The following R3HDM1 variants were observed in gnomAD, a reference collection of about 807,000 sequenced individuals.
R3HDM1 encodes R3H domain containing 1.
A neutral mutation model predicts 141.1 loss-of-function variants in R3HDM1; 46 were observed. That is an observed-to-expected ratio of 0.33 (90% CI 0.26 to 0.42). The LOEUF is 0.42. R3HDM1 is among the 10% of genes least tolerant of loss of function. The pLI, the probability that R3HDM1 is intolerant of heterozygous loss-of-function variation, is 1.00. For missense variants in R3HDM1, 1,184 were observed against 1,368.3 expected, an observed-to-expected ratio of 0.87 and a Z score of 2.12; for synonymous variants, 435 against 472.9, an observed-to-expected ratio of 0.92 and a Z score of 1.04.
chr2:135,632,166 C>G (rs1338105904), intron 9 of R3HDM1, among the ~76,000 whole-genome samples, 165 bp downstream of exon 9: 1 of 151,868 alleles, frequency 6.6e-6, no homozygotes, highest in Non-Finnish European at 1.5e-5. Flanking sequence ...TTACTGGGAA[C>G]AAAATGCAAC....
chr2:135,722,317 C>A (rs537814330), intron 25 of R3HDM1, 152 bp from the exon 26 acceptor site: 16 of 766,538 alleles, frequency 2.1e-5, no homozygotes, highest in Non-Finnish European at 2.3e-5. Flanking sequence ...AATGCCACTG[C>A]CACAGGCAGA....
At chr2:135,654,413 T>G (rs951184027) in intron 18 of R3HDM1, among the ~76,000 whole-genome samples, 5 of 149,854 alleles carry the variant, frequency 3.3e-5, no homozygotes, top group African/African-American at 1.2e-4. Context: ...TAATTGAAAT[T>G]TGGAATGTTT....
At chr2:135,669,089 CTGGAGTGCAG>C (rs2105327554) in intron 19 of R3HDM1, 3 of 954,456 alleles carry the variant, frequency 3.1e-6, no homozygotes, top group South Asian at 9.7e-5. Context: ...TTTGCCTAGA[CTGGAGTGCAG>C]TGGCCCTTCC....
intron 19 of R3HDM1, among the ~76,000 whole-genome samples, chr2:135,672,400 A>G (rs1423444098): frequency 6.6e-6 from 1 of 152,172 alleles, no homozygotes; most frequent in Non-Finnish European, 1.5e-5. Flanking sequence ...AAAACATATT[A>G]ACTGTCTTAC....
chr2:135,566,116 T>C (rs1702736648), intron 1 of R3HDM1, among the ~76,000 whole-genome samples: 1 of 152,234 alleles, frequency 6.6e-6, no homozygotes, highest in Non-Finnish European at 1.5e-5. Context: ...ACTTCAGATA[T>C]ACATATAGTA....
Position 135,628,731 on chromosome 2 carries a change from A to G in R3HDM1, c.498-2987A>G, listed in dbSNP as rs181893225. Among the ~76,000 whole-genome samples, 315 of 152,158 alleles carry G rather than the reference A, an allele frequency of 2.1e-3. 1 individual carries two copies. The highest frequency in any genetic ancestry group is 7.0e-3 in the African/African-American group (292 of 41,536). ...AACCTCCGCCTCCCGGGTTCAAGCA[A>G]TTCTCCTACCTCAGCCTCCAAGTAG... is the stretch of plus-strand genomic sequence containing the variant. On this transcript the variant is annotated intron_variant, in intron 7 of 26. Transcript: ENST00000683871.
chr2:135,591,059 A>G (rs915280124), intron 1 of R3HDM1, among the ~76,000 whole-genome samples: 3 of 152,174 alleles, frequency 2.0e-5, no homozygotes, highest in Admixed American at 6.5e-5. Flanking sequence ...TTAAAATCCT[A>G]TAAAGGAAAC....
chr2:135,595,668 A>G (rs1270350289), intron 1 of R3HDM1, among the ~76,000 whole-genome samples: 2 of 152,180 alleles, frequency 1.3e-5, no homozygotes, highest in African/African-American at 2.4e-5. Flanking sequence ...ATTATCTTGT[A>G]TATTTTGTCT....
At chr2:135,688,299 G>C (rs313528) in intron 21 of R3HDM1, among the ~76,000 whole-genome samples, 1 of 151,980 alleles carries the variant, frequency 6.6e-6, no homozygotes, top group Non-Finnish European at 1.5e-5. Context: ...CAGTGTTAAC[G>C]AATCAACAAT....
chr2:135,596,765 GT>G (rs2059231347), intron 1 of R3HDM1, among the ~76,000 whole-genome samples: 1 of 152,078 alleles, frequency 6.6e-6, no homozygotes, highest in Non-Finnish European at 1.5e-5. Flanking sequence ...ATATGCCACA[GT>G]TGTTTTTACT....
chr2:135,555,841 C>T (rs958017150), intron 1 of R3HDM1, among the ~76,000 whole-genome samples: 4 of 152,072 alleles, frequency 2.6e-5, no homozygotes, highest in African/African-American at 9.7e-5. Context: ...GCTGGGGCAA[C>T]ATAATTTCTA....
intron 1 of R3HDM1, chr2:135,568,883 A>G (rs577300219): frequency 1.2e-4 from 19 of 152,268 alleles, no homozygotes; most frequent in African/African-American, 4.3e-4. Flanking sequence ...AAAGTCAAAT[A>G]ATGTGTAAGA....
Position 135,709,550 on chromosome 2 carries a change from A to T in R3HDM1, c.2563+14A>T. 10 of 1,611,616 alleles carry T rather than the reference A, an allele frequency of 6.2e-6. No individual in the cohort carries two copies. Among genetic ancestry groups the T allele is most frequent in the Non-Finnish European group, 8.5e-6 (10 of 1,178,710 alleles). On this transcript the variant is annotated intron_variant, in intron 22 of 26. Coordinates refer to ENST00000683871, the MANE Select transcript of R3HDM1 (RefSeq NM_001378107.1). ...ACCAATGTACAGGTATAAAGAAATC[A>T]GTGAAAATAAGATGATTGGTTCATA...
intron 11 of R3HDM1, among the ~76,000 whole-genome samples, chr2:135,636,729 C>T (rs1161595808): frequency 6.6e-6 from 1 of 150,454 alleles, no homozygotes; most frequent in Non-Finnish European, 1.5e-5. Flanking sequence ...TTGTCAACAT[C>T]TACTAAGCAT....
chr2:135,713,870 A>G (rs1396148852), intron 23 of R3HDM1, among the ~76,000 whole-genome samples: 1 of 152,214 alleles, frequency 6.6e-6, no homozygotes. Flanking sequence ...GCATAAAACA[A>G]TGATAGAAAT....
In R3HDM1 at chr2:135,660,238, A is replaced by C. The variant is rs936615322; in HGVS notation, c.2029-1032A>C. Among the ~76,000 whole-genome samples the C allele has an allele frequency of 5.3e-5, 8 of 152,154 alleles. No homozygotes were observed. In the South Asian group the frequency reaches 8.3e-4, roughly 16 times the overall value. ...TGAAAAGCCTGGGACCAGAAGTTTC[A>C]GTTTTTTGGTTTTTTTTGGGGGGGA... On this transcript the variant is annotated intron_variant, in intron 18 of 26. Coordinates refer to ENST00000683871, the MANE Select transcript of R3HDM1 (RefSeq NM_001378107.1).
intron 23 of R3HDM1, among the ~76,000 whole-genome samples, chr2:135,711,963 TAAAAAAAAAAAA>T (rs35616482): frequency 7.0e-5 from 6 of 85,108 alleles, no homozygotes; most frequent in Non-Finnish European, 1.1e-4. Flanking sequence ...TGTCTAAAAT[TAAAAAAAAAAAA>T]AAAAAAAAAA....
intron 1 of R3HDM1, among the ~76,000 whole-genome samples, chr2:135,571,978 TCGTCATCCAGGCACCA>T (rs1559145723): frequency 6.6e-6 from 1 of 151,356 alleles, no homozygotes; most frequent in African/African-American, 2.5e-5. Context: ...GTGTCTCACT[TCGTCATCCAGGCACCA>T]CGTCATCCAG....
At chr2:135,667,395 T>TTAA (rs5834445) in intron 19 of R3HDM1, among the ~76,000 whole-genome samples, 1 of 150,384 alleles carries the variant, frequency 6.6e-6, no homozygotes, top group Admixed American at 6.6e-5. Context: ...GGTAGTGTTT[T>TTAA]AAAAAAAAAA....
Sources: allele counts gnomAD v4.1 joint callset (sites outside exome capture counted in the v4.1 genomes callset), GRCh38; gene constraint gnomAD v4.1.1; transcripts MANE v1.5; gene names NCBI Gene and HGNC (gene_info 2026-07-23, HGNC 2026-07-21).